Variants in TGFA observed in about 807,000 individuals in gnomAD.
TGFA encodes the protein protransforming growth factor alpha.
A neutral mutation model predicts 21.7 loss-of-function variants in TGFA; 12 were observed. The ratio of observed to expected loss-of-function variants is 0.55; its 90% CI spans 0.35 to 0.90. The LOEUF (loss-of-function observed/expected upper bound fraction) is 0.90, where lower values mean the gene tolerates loss of function less well. TGFA is among the 40% of genes least tolerant of loss of function. The pLI, the probability that TGFA is intolerant of heterozygous loss-of-function variation, is 0.01. For missense variants in TGFA, 178 were observed against 210.8 expected (o/e 0.84, Z 0.96); for synonymous variants, 79 against 88.1 (o/e 0.90, Z 0.58).
chr2:70,510,945 A>G lies in TGFA; in HGVS notation c.94+3914T>C, dbSNP rs554160618. ...TGCTGGAGTCCAGGAATTTGAGACC[A>G]GCCTGGGCAACATAGCAAGATCTCA... On this transcript the variant is annotated intron_variant, in intron 2 of 5. Coordinates refer to ENST00000295400, the MANE Select transcript of TGFA (RefSeq NM_003236.4). 2.7e-3 allele frequency among the ~76,000 whole-genome samples: 416 copies of G among 152,214 alleles called. 2 individuals are homozygous for G. The highest frequency in any genetic ancestry group is 9.7e-3 in the African/African-American group (401 of 41,530).
intron 2 of TGFA, among the ~76,000 whole-genome samples, chr2:70,513,104 C>T (rs1672155818): frequency 2.0e-5 from 3 of 152,196 alleles, no homozygotes. Flanking sequence ...CTTCTTAGCC[C>T]ATGGAGATGC....
At chr2:70,451,883 C>A in intron 5 of TGFA, 2 of 631,030 alleles carry the variant, frequency 3.2e-6, no homozygotes, top group Non-Finnish European at 2.8e-6. Context: ...CGCTCATGAG[C>A]CATCCTCTTC....
At chr2:70,545,845 G>A (rs1673286084) in intron 1 of TGFA, among the ~76,000 whole-genome samples, 1 of 152,064 alleles carries the variant, frequency 6.6e-6, no homozygotes, top group Non-Finnish European at 1.5e-5. Context: ...TACTTGCAAT[G>A]TATGACAGAA....
chr2:70,514,703 C>A (rs1054697127), intron 2 of TGFA, among the ~76,000 whole-genome samples, 156 bp downstream of exon 2: 2 of 152,066 alleles, frequency 1.3e-5, no homozygotes, highest in African/African-American at 4.8e-5. Context: ...TTCCAGTGAG[C>A]GCCTCCTCGC....
chr2:70,548,393 C>T lies in TGFA; in HGVS notation c.40+5335G>A, dbSNP rs115813347. ...AGAACACAGTGGGGCCAGGGCTCTG[C>T]TACCGGGGTTCCCAGCTGGAAAAGT... On this transcript the variant is annotated intron_variant, in intron 1 of 5. Transcript: ENST00000295400. Among the ~76,000 whole-genome samples, 968 of 152,290 alleles carry T rather than the reference C, an allele frequency of 6.4e-3. 12 individuals carry two copies. Among genetic ancestry groups the T allele is most frequent in the African/African-American group, 0.022 (927 of 41,552 alleles).
At chr2:70,463,178 A>C (rs1670452977) in intron 3 of TGFA, among the ~76,000 whole-genome samples, 1 of 152,136 alleles carries the variant, frequency 6.6e-6, no homozygotes, top group South Asian at 2.1e-4. Context: ...TCTCACTTAT[A>C]CAACAAGGGT....
intron 1 of TGFA, among the ~76,000 whole-genome samples, chr2:70,529,588 T>TC (rs149639655): frequency 0.061 from 8,883 of 146,570 alleles, 917 homozygotes; most frequent in African/African-American, 0.21. Flanking sequence ...GAGGAGTGAA[T>TC]CCCCCCGCCC....
intron 1 of TGFA, among the ~76,000 whole-genome samples, chr2:70,527,361 A>G (rs1361111404): frequency 6.6e-6 from 1 of 152,272 alleles, no homozygotes; most frequent in Non-Finnish European, 1.5e-5. Context: ...ATATTGTATG[A>G]TTCTAACTAT....
In TGFA at chr2:70,456,462, C is replaced by A; in HGVS notation, c.242G>T (p.Arg81Leu). The A allele has an allele frequency of 6.2e-7, 1 of 1,607,858 alleles. No individual in the cohort carries two copies. Among genetic ancestry groups the A allele is most frequent in the Non-Finnish European group, 8.5e-7 (1 of 1,177,352 alleles). Reference sequence around the variant, plus strand: ...GGCCAGGAGGTCCGCATGCTCACAGCGTGCACCAACGTACCCAGAATGGCA... The same window carrying A: ...GGCCAGGAGGTCCGCATGCTCACAGAGTGCACCAACGTACCCAGAATGGCA... ...CVCHSGYVGARCEHADLLAVV... is the reference protein window; with the variant it reads ...CVCHSGYVGALCEHADLLAVV... The change falls in exon 4 of 6, where the codon CGC (arginine) becomes CTC (leucine). Residue 81 changes from arginine to leucine, a missense_variant. Transcript: ENST00000295400.
chr2:70,452,591 A>C (rs1301890448), intron 5 of TGFA, among the ~76,000 whole-genome samples: 1 of 152,184 alleles, frequency 6.6e-6, no homozygotes, highest in Admixed American at 6.5e-5. Context: ...GTGATACACT[A>C]TACTAGGTAT....
At chr2:70,486,652 G>A (rs1553496748) in intron 2 of TGFA, among the ~76,000 whole-genome samples, 2 of 152,046 alleles carry the variant, frequency 1.3e-5, no homozygotes, top group East Asian at 1.9e-4. Context: ...TTGTAGAGAT[G>A]AGGATTTGCA....
intron 2 of TGFA, among the ~76,000 whole-genome samples, chr2:70,483,148 A>C (rs1553496013): frequency 6.6e-6 from 1 of 152,212 alleles, no homozygotes; most frequent in African/African-American, 2.4e-5. Context: ...GTATCCTCTT[A>C]TACAGCCTTA....
chr2:70,503,352 C>T (rs1245013248), intron 2 of TGFA, among the ~76,000 whole-genome samples: 2 of 145,978 alleles, frequency 1.4e-5, no homozygotes, highest in African/African-American at 5.1e-5. Context: ...CATGTTCTCA[C>T]TCATAGGTGG....
At chr2:70,465,150 A>G (rs1458893940) in intron 3 of TGFA, among the ~76,000 whole-genome samples, 1 of 152,156 alleles carries the variant, frequency 6.6e-6, no homozygotes, top group South Asian at 2.1e-4. Flanking sequence ...GTTACCATTT[A>G]TGTACACTAG....
rs797022948 is a variant in TGFA at position 70,521,609 on chromosome 2, G to GTTTTTTTTTTTTTT, written c.41-6698_41-6697insAAAAAAAAAAAAAA. On this transcript the variant is annotated intron_variant, in intron 1 of 5. Transcript: ENST00000295400. The stretch of plus-strand genomic sequence containing the variant: ...ACTATTGATAGTTTTTTTTGTTGTT[G>GTTTTTTTTTTTTTT]TTTGTTTGTTTTTTTTTTTTTTTTT... Among the ~76,000 whole-genome samples the GTTTTTTTTTTTTTT allele has an allele frequency of 2.3e-3, 184 of 78,782 alleles. 20 individuals are homozygous for GTTTTTTTTTTTTTT. The highest frequency in any genetic ancestry group is 5.3e-3 in the South Asian group (11 of 2,070). The allele number at this position is 78,782 out of a possible 152,430, so 51.7% of individuals were successfully genotyped here.
chr2:70,500,970 CAA>C (rs34669349), intron 2 of TGFA, among the ~76,000 whole-genome samples: 56,089 of 143,790 alleles, frequency 0.39, 10,741 homozygotes, highest in East Asian at 0.59. Flanking sequence ...GGGCCATCTC[CAA>C]AAAAAAAAAA....
chr2:70,549,565 C>T (rs1460975884), intron 1 of TGFA, among the ~76,000 whole-genome samples: 1 of 152,174 alleles, frequency 6.6e-6, no homozygotes, highest in East Asian at 1.9e-4. Context: ...GAGGATACTA[C>T]AGAGGTTTTG....
chr2:70,516,578 T>TCTTCC lies in TGFA; in HGVS notation c.41-1671_41-1667dup, dbSNP rs553780589. ...GAGAAAATCAGTAAAATCATGCATGTCTTCCCTGTGCAATTCTTTCTTGCT... is the reference window on the plus strand; with the variant it reads ...GAGAAAATCAGTAAAATCATGCATGTCTTCCCTTCCCTGTGCAATTCTTTCTTGCT... On this transcript the variant is annotated intron_variant, in intron 1 of 5. Coordinates refer to ENST00000295400, the MANE Select transcript of TGFA (RefSeq NM_003236.4). Among the ~76,000 whole-genome samples, 353 of 152,270 alleles carry TCTTCC rather than the reference T, an allele frequency of 2.3e-3. 2 individuals carry two copies. Among genetic ancestry groups the TCTTCC allele is most frequent in the African/African-American group, 8.0e-3 (334 of 41,556 alleles).
At chr2:70,532,806 C>A (rs1315910634) in intron 1 of TGFA, among the ~76,000 whole-genome samples, 1 of 152,112 alleles carries the variant, frequency 6.6e-6, no homozygotes, top group Non-Finnish European at 1.5e-5. Context: ...AAGTGCTGTT[C>A]CCTGATTGTA....
Sources: gnomAD v4.1 joint callset for allele counts (sites outside exome capture counted in the v4.1 genomes callset) on GRCh38, gnomAD v4.1.1 for gene constraint, MANE v1.5 for transcripts, NCBI Gene and HGNC (gene_info 2026-07-23, HGNC 2026-07-21) for gene names.